SFMBT1: variants seen among roughly 807,000 people sequenced by gnomAD.
The protein encoded by SFMBT1 is scm-like with four MBT domains protein 1.
In SFMBT1, 32 loss-of-function variants were observed where a neutral mutation model predicts 108.7. The observed-to-expected ratio is 0.29, with a 90% confidence interval of 0.22 to 0.40. The LOEUF is 0.40. Among genes scored for constraint, SFMBT1 ranks in the 10% least tolerant of loss-of-function variants. The pLI is 1.00. For missense variants in SFMBT1, 816 were observed against 1,059.6 expected (o/e 0.77, Z 3.19); for synonymous variants, 348 against 369.5 (o/e 0.94, Z 0.67).
At chr3:52,939,134 T>C (rs1703108225) in intron 4 of SFMBT1, among the ~76,000 whole-genome samples, 1 of 152,236 alleles carries the variant, frequency 6.6e-6, no homozygotes, top group Non-Finnish European at 1.5e-5. Flanking sequence ...TTCTCCTAAA[T>C]AGCCGTGGTA....
At chr3:52,993,448 T>C (rs1698194581) in intron 1 of SFMBT1, among the ~76,000 whole-genome samples, 2 of 150,324 alleles carry the variant, frequency 1.3e-5, no homozygotes, top group East Asian at 3.9e-4. Context: ...GCAGTTACTT[T>C]ATAAAACACA....
At chr3:52,918,552 T>A in intron 12 of SFMBT1, 26 bp from the exon 13 acceptor site, 1 of 1,444,648 alleles carries the variant, frequency 6.9e-7, no homozygotes. Context: ...AATATATAAA[T>A]GCCAAGAAAA....
rs764695896 is a variant in SFMBT1, at chr3:53,011,596, CAT to C, written c.-131+34218_-131+34219del. ...TGTGGGCTTAAAGCAGAGAAGCGGC[CAT>C]CAGAATGGTGTCAAAGGATTGAGCC... On this transcript the variant is annotated intron_variant, in intron 1 of 20. Coordinates refer to ENST00000394752, the MANE Select transcript of SFMBT1 (RefSeq NM_016329.4). 5.3e-4 allele frequency among the ~76,000 whole-genome samples: 80 copies of C among 152,220 alleles called. No individual in the cohort carries two copies. In the Middle Eastern group the frequency reaches 0.01, roughly 19 times the overall value.
intron 2 of SFMBT1, among the ~76,000 whole-genome samples, chr3:52,961,223 T>C (rs891175008): frequency 1.3e-5 from 2 of 152,168 alleles, no homozygotes; most frequent in African/African-American, 4.8e-5. Context: ...GACAAATGGA[T>C]ACCTACAGTA....
intron 1 of SFMBT1, among the ~76,000 whole-genome samples, chr3:53,000,234 C>T (rs936634376): frequency 6.8e-6 from 1 of 146,372 alleles, no homozygotes; most frequent in African/African-American, 2.5e-5. Context: ...TTTATTCCTC[C>T]CTTTGTAATG....
intron 1 of SFMBT1, chr3:53,043,332 G>C (rs1700115993): frequency 1.3e-5 from 2 of 151,736 alleles, no homozygotes; most frequent in South Asian, 4.1e-4. Context: ...ATAATTTTTA[G>C]TTAACCTTTT....
chr3:53,010,758 A>T (rs1311038779), intron 1 of SFMBT1, among the ~76,000 whole-genome samples: 2 of 152,212 alleles, frequency 1.3e-5, no homozygotes, highest in African/African-American at 4.8e-5. Flanking sequence ...TGTTTAAATA[A>T]GGTAATTTGC....
intron 1 of SFMBT1, among the ~76,000 whole-genome samples, chr3:52,986,598 T>C (rs1324869029): frequency 6.6e-6 from 1 of 151,444 alleles, no homozygotes; most frequent in Non-Finnish European, 1.5e-5. Flanking sequence ...AAATCCCATC[T>C]CTACTAAAAA....
intron 9 of SFMBT1, among the ~76,000 whole-genome samples, chr3:52,926,514 G>A (rs969358715): frequency 6.6e-6 from 1 of 152,180 alleles, no homozygotes; most frequent in African/African-American, 2.4e-5. Context: ...AAAAGAGACA[G>A]CAAATAGTAT....
intron 1 of SFMBT1, among the ~76,000 whole-genome samples, chr3:53,001,862 C>T (rs1698560845): frequency 6.8e-6 from 1 of 146,786 alleles, no homozygotes; most frequent in African/African-American, 2.5e-5. Flanking sequence ...GAGGTCAAGG[C>T]TGCAGTGAGC....
chr3:53,010,950 T>A (rs1436780799), intron 1 of SFMBT1, among the ~76,000 whole-genome samples: 1 of 152,224 alleles, frequency 6.6e-6, no homozygotes, highest in African/African-American at 2.4e-5. Context: ...AATGCTTCTT[T>A]ACCAGCCTGC....
At chr3:52,960,762 C>G (rs1268357425) in intron 2 of SFMBT1, among the ~76,000 whole-genome samples, 1 of 152,120 alleles carries the variant, frequency 6.6e-6, no homozygotes, top group Non-Finnish European at 1.5e-5. Flanking sequence ...AGAGGCAACC[C>G]AAGTGTCCAT....
At position 52,912,634 on chromosome 3, in the gene SFMBT1, A is replaced by C; in HGVS notation, c.1634T>G (p.Leu545Arg). 1 of 1,613,798 alleles carries C rather than the reference A, an allele frequency of 6.2e-7. No homozygotes were observed. The highest frequency in any genetic ancestry group is 8.5e-7 in the Non-Finnish European group (1 of 1,179,834). The change falls in exon 16 of 21, where the codon CTT (leucine) becomes CGT (arginine). Residue 545 changes from leucine to arginine, a missense_variant. Transcript: ENST00000394752. The stretch of plus-strand genomic sequence containing the variant: ...GCTGGGTTTGTAGGCTGCATTGATA[A>C]GTAAAGTGAGGACCTGAGCTCAGTT... ...VLVLREVLTL[L>R]INAAYKPSRV...
intron 1 of SFMBT1, among the ~76,000 whole-genome samples, chr3:53,037,716 G>A (rs964367006): frequency 1.3e-5 from 2 of 152,182 alleles, no homozygotes; most frequent in Non-Finnish European, 2.9e-5. Context: ...GCTCATGCCT[G>A]TAATCCCAGC....
intron 1 of SFMBT1, among the ~76,000 whole-genome samples, chr3:52,999,261 A>T (rs1341155009): frequency 6.6e-6 from 1 of 150,434 alleles, no homozygotes; most frequent in African/African-American, 2.4e-5. Context: ...GCAGACCACC[A>T]AGGGCTCCTG....
At chr3:52,924,535 A>G (rs1307708360) in intron 10 of SFMBT1, among the ~76,000 whole-genome samples, 1 of 152,016 alleles carries the variant, frequency 6.6e-6, no homozygotes, top group Non-Finnish European at 1.5e-5. Context: ...CCAGCTACTC[A>G]GGAGGGTGAG....
intron 2 of SFMBT1, among the ~76,000 whole-genome samples, chr3:52,959,031 A>G (rs1703873990): frequency 2.6e-5 from 4 of 152,118 alleles, no homozygotes; most frequent in Admixed American, 2.0e-4. Context: ...CAGCAACAGA[A>G]AAGCAAACCC....
chr3:52,980,901 G>A (rs1259784667), intron 1 of SFMBT1, among the ~76,000 whole-genome samples: 2 of 152,150 alleles, frequency 1.3e-5, no homozygotes, highest in African/African-American at 2.4e-5. Context: ...GGTAGCTCAC[G>A]CCTGTAATCC....
intron 4 of SFMBT1, among the ~76,000 whole-genome samples, chr3:52,937,968 CTG>C (rs1559518209): frequency 2.6e-5 from 4 of 152,278 alleles, no homozygotes; most frequent in African/African-American, 9.6e-5. Context: ...CTCCTCAAGT[CTG>C]TACACATTTT....
Sources: allele counts gnomAD v4.1 joint callset (sites outside exome capture counted in the v4.1 genomes callset), GRCh38; gene constraint gnomAD v4.1.1; transcripts MANE v1.5; gene names NCBI Gene and HGNC (gene_info 2026-07-23, HGNC 2026-07-21).